ESPNL: variants seen among roughly 807,000 people sequenced by gnomAD.
ESPNL encodes espin like.
In ESPNL, 49 loss-of-function variants were observed where a neutral mutation model predicts 46.8. The observed-to-expected ratio is 1.05, with a 90% CI of 0.83 to 1.33. The LOEUF is 1.33. Ranked by LOEUF, ESPNL falls within the 40% of genes most tolerant of loss-of-function variation. The pLI is 0.00. For synonymous variants in ESPNL, 664 were observed against 662.1 expected (o/e 1.00, Z -0.04); for missense variants, 1,540 against 1,436.6 (o/e 1.07, Z -1.16).
Position 238,117,789 on chromosome 2 carries a change from A to T in ESPNL, c.987+755A>T, listed in dbSNP as rs987965509. On this transcript the variant is annotated intron_variant, in intron 5 of 8. Coordinates refer to ENST00000343063, the MANE Select transcript of ESPNL (RefSeq NM_194312.4). ...TGCATGAGGGTGAGCAGAGGAAGGGATGGATGGGGAGGGAACAGACAGAGG... is the reference window on the plus strand; with the variant it reads ...TGCATGAGGGTGAGCAGAGGAAGGGTTGGATGGGGAGGGAACAGACAGAGG... Among the ~76,000 whole-genome samples the T allele has an allele frequency of 5.3e-5, 8 of 152,308 alleles. No homozygotes were observed. The East Asian group carries it at 1.3e-3, about 26-fold the overall frequency.
chr2:238,116,198 C>G (rs1691811337), intron 4 of ESPNL, among the ~76,000 whole-genome samples: 1 of 152,202 alleles, frequency 6.6e-6, no homozygotes, highest in Non-Finnish European at 1.5e-5. Context: ...GTCCCTCTTC[C>G]AACTGAATCC....
In ESPNL at chr2:238,117,601, TG is replaced by T. The variant is rs1691845505; in HGVS notation, c.987+569del. 2.0e-5 allele frequency among the ~76,000 whole-genome samples: 3 copies of T among 152,368 alleles called. No homozygotes were observed. The South Asian group carries it at 6.2e-4, about 32-fold the overall frequency. ...GCCGGAAGGCAGCAGATTCCAGCCCTGGCTCTCGTCTCTCAGCCTGGGACCC... is the reference window on the plus strand; with the variant it reads ...GCCGGAAGGCAGCAGATTCCAGCCCTGCTCTCGTCTCTCAGCCTGGGACCC... On this transcript the variant is annotated intron_variant, in intron 5 of 8. Coordinates refer to ENST00000343063, the MANE Select transcript of ESPNL (RefSeq NM_194312.4).
intron 4 of ESPNL, among the ~76,000 whole-genome samples, chr2:238,116,100 G>A (rs975449343): frequency 1.3e-5 from 2 of 152,258 alleles, no homozygotes; most frequent in African/African-American, 4.8e-5. Context: ...CGCCTAACTC[G>A]AGTTCGTTTT....
At chr2:238,130,099 C>G (rs1692252879) in intron 8 of ESPNL, 29 bp from the exon 9 acceptor site, 1 of 1,588,766 alleles carries the variant, frequency 6.3e-7, no homozygotes, top group Non-Finnish European at 8.6e-7. Context: ...GTGGGCTCAC[C>G]CTGCTCACCC....
intron 4 of ESPNL, among the ~76,000 whole-genome samples, chr2:238,112,716 C>G (rs1411297395): frequency 6.6e-6 from 1 of 152,070 alleles, no homozygotes; most frequent in Non-Finnish European, 1.5e-5. Context: ...TTCTAATTCC[C>G]ATTTTGATTC....
At chr2:238,118,808 A>G (rs1051346005) in intron 5 of ESPNL, among the ~76,000 whole-genome samples, 70 of 56,660 alleles carry the variant, frequency 1.2e-3, no homozygotes, top group African/African-American at 2.5e-3. Context: ...TGGAGGAGGA[A>G]TGGATGGAGG....
At chr2:238,110,780 C>T (rs986912702) in intron 4 of ESPNL, among the ~76,000 whole-genome samples, 1 of 151,948 alleles carries the variant, frequency 6.6e-6, no homozygotes, top group Non-Finnish European at 1.5e-5. Context: ...TTTAGGATGC[C>T]ATATGATATT....
rs936406015 is a variant in ESPNL at position 238,125,490 on chromosome 2, C to T, written c.1102+106C>T. 9 of 555,068 alleles carry T rather than the reference C, an allele frequency of 1.6e-5. 1 individual carries two copies. The highest frequency in any genetic ancestry group is 8.2e-5 in the Admixed American group (2 of 24,390). The allele number at this position is 555,068 out of a possible 1,614,324, so 34.4% of individuals were successfully genotyped here. On this transcript the variant is annotated intron_variant, in intron 6 of 8. Coordinates refer to ENST00000343063, the MANE Select transcript of ESPNL (RefSeq NM_194312.4). ...ACCGGTGGGCAAGTCTGCGGGCAGC[C>T]GGGCACCCCATCACCCTCCCTCCCC... is the stretch of plus-strand genomic sequence containing the variant.
At chr2:238,126,527 CTG>C (rs979372481) in intron 6 of ESPNL, among the ~76,000 whole-genome samples, 31 of 147,514 alleles carry the variant, frequency 2.1e-4, no homozygotes, top group Middle Eastern at 7.5e-3. Flanking sequence ...GTCTATGCAT[CTG>C]TGTGTGATTG....
At chr2:238,116,087 G>A (rs567174691) in intron 4 of ESPNL, among the ~76,000 whole-genome samples, 10 of 152,348 alleles carry the variant, frequency 6.6e-5, no homozygotes, top group East Asian at 1.9e-4. Flanking sequence ...TGAACACAGC[G>A]TTCGCCTAAC....
intron 5 of ESPNL, among the ~76,000 whole-genome samples, chr2:238,124,795 GTGTGTGCAGGAGAGTGTACGTGCA>G (rs1166522709): frequency 1.2e-3 from 184 of 151,958 alleles, no homozygotes; most frequent in Non-Finnish European, 2.4e-3. Context: ...GTACGTGCGT[GTGTGTGCAGGAGAGTGTACGTGCA>G]TGTGTGCAGG....
intron 5 of ESPNL, among the ~76,000 whole-genome samples, chr2:238,120,847 G>A (rs1462024434): frequency 1.3e-5 from 2 of 152,230 alleles, no homozygotes; most frequent in South Asian, 2.1e-4. Flanking sequence ...AATGCAGTCC[G>A]CAGGGGCTGC....
intron 1 of ESPNL, among the ~76,000 whole-genome samples, chr2:238,101,215 T>C (rs1482794349): frequency 1.3e-5 from 2 of 152,160 alleles, no homozygotes; most frequent in African/African-American, 4.8e-5. Flanking sequence ...CCCTTAGAGC[T>C]GTCGCTCAGC....
At chr2:238,115,674 G>T (rs1365051223) in intron 4 of ESPNL, among the ~76,000 whole-genome samples, 1 of 152,228 alleles carries the variant, frequency 6.6e-6, no homozygotes, top group Non-Finnish European at 1.5e-5. Flanking sequence ...TTCCTTTGGG[G>T]TCTCACAACT....
chr2:238,113,109 C>T (rs2106468539), intron 4 of ESPNL, among the ~76,000 whole-genome samples: 1 of 152,308 alleles, frequency 6.6e-6, no homozygotes, highest in South Asian at 2.1e-4. Context: ...AATCCTGTCA[C>T]CGTTTGTTTT....
At chr2:238,113,690 G>A (rs1235315603) in intron 4 of ESPNL, among the ~76,000 whole-genome samples, 2 of 152,178 alleles carry the variant, frequency 1.3e-5, no homozygotes, top group African/African-American at 4.8e-5. Context: ...GACCACCTCC[G>A]TGACAGGAAC....
rs140595083 is a variant in ESPNL at position 238,129,707 on chromosome 2, G to A, written c.1414-421G>A. Among the ~76,000 whole-genome samples the A allele has an allele frequency of 6.8e-4, 104 of 152,378 alleles. 3 individuals carry two copies. The highest frequency in any genetic ancestry group is 1.4e-3 in the South Asian group (7 of 4,828). On this transcript the variant is annotated intron_variant, in intron 8 of 8. Coordinates refer to ENST00000343063, the MANE Select transcript of ESPNL (RefSeq NM_194312.4). The stretch of plus-strand genomic sequence containing the variant: ...CCCCCGGCCCAGCGCTGTGTCCAGC[G>A]CAATCCTGCCAGCCACATGCAGCCA...
rs1179478056 is a variant in ESPNL, at chr2:238,130,045, G to A, written c.1414-83G>A. On this transcript the variant is annotated intron_variant, in intron 8 of 8. Transcript: ENST00000343063. ...GGACCAGAGGCTCTGCAGAGATACT[G>A]AGAACTCAGGGACTTGGAAGCTAGG... 4.7e-6 allele frequency: 7 copies of A among 1,476,770 alleles called. No homozygotes were observed. The East Asian group carries it at 9.3e-5, about 20-fold the overall frequency. The allele number at this position is 1,476,770 out of a possible 1,614,324, so 91.5% of individuals were successfully genotyped here.
chr2:238,130,161 G>A lies in ESPNL; in HGVS notation c.1447G>A (p.Ala483Thr). The A allele has an allele frequency of 6.2e-7, 1 of 1,612,636 alleles. No individual in the cohort carries two copies. Among genetic ancestry groups the A allele is most frequent in the Non-Finnish European group, 8.5e-7 (1 of 1,179,698 alleles). Residue 483 changes from alanine to threonine, a missense_variant, in exon 9 of 9, where the codon GCG becomes ACG. By Grantham distance (58) the Ala-to-Thr change is moderately conservative. Transcript: ENST00000343063. ...NGGSSGPTEQ[A>T]AWRYSQTHQA... is the part of the protein sequence containing the mutation. ...TGGGAGCTCAGGCCCCACGGAGCAGGCGGCCTGGAGGTACTCACAGACTCA... is the reference window on the plus strand; with the variant it reads ...TGGGAGCTCAGGCCCCACGGAGCAGACGGCCTGGAGGTACTCACAGACTCA...
Sources: allele counts gnomAD v4.1 joint callset (sites outside exome capture counted in the v4.1 genomes callset), GRCh38; gene constraint gnomAD v4.1.1; transcripts MANE v1.5; gene names NCBI Gene and HGNC (gene_info 2026-07-23, HGNC 2026-07-21).